The following SLC25A26 variants were observed in gnomAD, a reference collection of about 807,000 sequenced individuals.
SLC25A26 encodes the protein mitochondrial S-adenosylmethionine carrier protein.
Under a neutral mutation model 37.8 loss-of-function variants are expected in SLC25A26, and 36 were observed. That is an observed-to-expected ratio of 0.95 (90% CI 0.73 to 1.26). SLC25A26 has a LOEUF of 1.26. Among genes scored for constraint, SLC25A26 ranks in the 50% most tolerant of loss-of-function variants. The probability of loss-of-function intolerance (pLI) is 0.00; values close to 1 mark genes in which losing one functional copy is unlikely to be tolerated. For missense variants in SLC25A26, 390 were observed against 331.1 expected (o/e 1.18, Z -1.38); for synonymous variants, 129 against 122.5 (o/e 1.05, Z -0.35).
intron 1 of SLC25A26, among the ~76,000 whole-genome samples, chr3:66,188,019 C>A (rs2070863690): frequency 6.6e-6 from 1 of 152,112 alleles, no homozygotes; most frequent in Non-Finnish European, 1.5e-5. Context: ...TGTCTCTGAC[C>A]TTGACTTAGA....
At chr3:66,264,746 G>A (rs973127195) in intron 5 of SLC25A26, among the ~76,000 whole-genome samples, 2 of 152,180 alleles carry the variant, frequency 1.3e-5, no homozygotes, top group Non-Finnish European at 2.9e-5. Context: ...GGGACCGCTG[G>A]TTTAAGAGGT....
At chr3:66,218,219 A>G (rs2071391033), upstream of SLC25A26, among the ~76,000 whole-genome samples, 1 of 152,178 alleles carries the variant, frequency 6.6e-6, no homozygotes, top group South Asian at 2.1e-4. Flanking sequence ...GATGTATCAT[A>G]ATATGTTTAT....
intron 1 of SLC25A26, among the ~76,000 whole-genome samples, chr3:66,157,889 C>T (rs1240624536): frequency 1.3e-5 from 2 of 152,178 alleles, no homozygotes; most frequent in Non-Finnish European, 2.9e-5. Context: ...TATTCAAATT[C>T]AGAAAAGGAG....
chr3:66,153,324 A>G (rs2070233005), intron 1 of SLC25A26, among the ~76,000 whole-genome samples: 1 of 152,206 alleles, frequency 6.6e-6, no homozygotes, highest in South Asian at 2.1e-4. Context: ...AGATGTTAGA[A>G]CCAGTTATTT....
intron 1 of SLC25A26, among the ~76,000 whole-genome samples, chr3:66,159,720 C>G (rs1477101684): frequency 6.6e-6 from 1 of 152,190 alleles, no homozygotes; most frequent in South Asian, 2.1e-4. Context: ...CCTGATAGAT[C>G]TTTTGGTGTT....
At chr3:66,173,209 C>T (rs1024775484) in intron 1 of SLC25A26, among the ~76,000 whole-genome samples, 2 of 152,196 alleles carry the variant, frequency 1.3e-5, no homozygotes, top group African/African-American at 4.8e-5. Flanking sequence ...TGACTTGGAT[C>T]ACATACCTGT....
intron 6 of SLC25A26, among the ~76,000 whole-genome samples, chr3:66,362,181 C>T (rs186098046): frequency 1.5e-3 from 224 of 152,150 alleles, no homozygotes; most frequent in African/African-American, 5.2e-3. Flanking sequence ...GTGATTTCAC[C>T]GCTAGGTATT....
chr3:66,347,682 C>A (rs977106187), intron 6 of SLC25A26, among the ~76,000 whole-genome samples: 13 of 152,292 alleles, frequency 8.5e-5, no homozygotes, highest in African/African-American at 3.1e-4. Context: ...TACATATATT[C>A]ATTGCAGCAC....
chr3:66,212,259 A>C (rs1157606387), intron 1 of SLC25A26, among the ~76,000 whole-genome samples: 1 of 151,596 alleles, frequency 6.6e-6, no homozygotes, highest in Non-Finnish European at 1.5e-5. Context: ...CTACAGGTGC[A>C]CACCACCATG....
At chr3:66,290,389 T>C (rs1168397768) in intron 5 of SLC25A26, among the ~76,000 whole-genome samples, 1 of 152,230 alleles carries the variant, frequency 6.6e-6, no homozygotes, top group East Asian at 1.9e-4. Flanking sequence ...CTTTGTCTTA[T>C]GTCAGTTTTC....
At chr3:66,324,844 G>T (rs2075795533) in intron 5 of SLC25A26, among the ~76,000 whole-genome samples, 1 of 151,714 alleles carries the variant, frequency 6.6e-6, no homozygotes, top group African/African-American at 2.4e-5. Context: ...TCTTTTGGGA[G>T]AAGGAAAAAA....
intron 1 of SLC25A26, among the ~76,000 whole-genome samples, chr3:66,190,291 G>T (rs1253479479): frequency 6.9e-6 from 1 of 145,570 alleles, no homozygotes; most frequent in Non-Finnish European, 1.5e-5. Flanking sequence ...CTCCAGCCTG[G>T]ACAACAGAGT....
upstream of SLC25A26, among the ~76,000 whole-genome samples, chr3:66,216,892 C>T (rs2071370131): frequency 6.6e-6 from 1 of 152,144 alleles, no homozygotes. Flanking sequence ...TGAAATACTC[C>T]ATTTAAAAAG....
intron 6 of SLC25A26, among the ~76,000 whole-genome samples, chr3:66,351,363 T>C (rs925092252): frequency 1.3e-5 from 2 of 152,190 alleles, no homozygotes; most frequent in African/African-American, 4.8e-5. Flanking sequence ...GCAAAAGCGG[T>C]AGATTATCAT....
intron 1 of SLC25A26, among the ~76,000 whole-genome samples, chr3:66,231,910 A>G (rs1272748123): frequency 6.6e-6 from 1 of 152,032 alleles, no homozygotes; most frequent in Non-Finnish European, 1.5e-5. Context: ...AGCTAGGACT[A>G]CAGACATGAG....
intron 5 of SLC25A26, among the ~76,000 whole-genome samples, chr3:66,303,141 A>T (rs913300712): frequency 2.0e-5 from 3 of 152,202 alleles, no homozygotes; most frequent in African/African-American, 7.2e-5. Context: ...GTCACTGTTG[A>T]CATCTTTAAT....
chr3:66,293,950 T>A (rs1576813438), intron 5 of SLC25A26, among the ~76,000 whole-genome samples: 1 of 152,202 alleles, frequency 6.6e-6, no homozygotes, highest in South Asian at 2.1e-4. Context: ...TCTGGTAGTG[T>A]GAGGCCTTTA....
chr3:66,361,310 A>T (rs1204590717), intron 6 of SLC25A26, among the ~76,000 whole-genome samples: 1 of 152,252 alleles, frequency 6.6e-6, no homozygotes, highest in East Asian at 1.9e-4. Context: ...AAAACACAGG[A>T]TCAAAAAATC....
intron 1 of SLC25A26, among the ~76,000 whole-genome samples, chr3:66,165,531 G>C (rs1377893131): frequency 6.6e-6 from 1 of 152,124 alleles, no homozygotes; most frequent in African/African-American, 2.4e-5. Flanking sequence ...GAGGTCTAGG[G>C]GTGGGGGTGA....
Sources: gnomAD v4.1 joint callset for allele counts (sites outside exome capture counted in the v4.1 genomes callset) on GRCh38, gnomAD v4.1.1 for gene constraint, MANE v1.5 for transcripts, NCBI Gene and HGNC (gene_info 2026-07-23, HGNC 2026-07-21) for gene names.